Variants in FAM135B observed in about 807,000 individuals in gnomAD.
FAM135B encodes the protein family with sequence similarity 135 member B.
In FAM135B, 43 loss-of-function variants were observed where a neutral mutation model predicts 127.7. The observed-to-expected ratio is 0.34, with a 90% confidence interval of 0.26 to 0.43. The LOEUF (loss-of-function observed/expected upper bound fraction) is 0.43, where lower values mean the gene tolerates loss of function less well. Among genes scored for constraint, FAM135B ranks in the 20% least tolerant of loss-of-function variants. FAM135B has a pLI of 1.00. For missense variants in FAM135B, 1,558 were observed against 1,725.6 expected, an observed-to-expected ratio of 0.90 and a Z score of 1.72; for synonymous variants, 670 against 665.1, an observed-to-expected ratio of 1.01 and a Z score of -0.11.
At chr8:138,381,740 T>C (rs1033055089) in intron 1 of FAM135B, among the ~76,000 whole-genome samples, 5 of 152,222 alleles carry the variant, frequency 3.3e-5, no homozygotes, top group Non-Finnish European at 7.3e-5. Flanking sequence ...TTAAGACTGA[T>C]AGAATTATAC....
At chr8:138,210,855 C>T (rs1206918603) in intron 7 of FAM135B, among the ~76,000 whole-genome samples, 1 of 152,098 alleles carries the variant, frequency 6.6e-6, no homozygotes, top group Non-Finnish European at 1.5e-5. Flanking sequence ...TGTTCTGATA[C>T]CAAGCATACA....
chr8:138,494,580 T>A (rs1472308675), intron 1 of FAM135B, among the ~76,000 whole-genome samples: 3 of 152,162 alleles, frequency 2.0e-5, no homozygotes, highest in African/African-American at 7.2e-5. Context: ...GACACCACCA[T>A]GAGCAAAATC....
intron 1 of FAM135B, among the ~76,000 whole-genome samples, chr8:138,453,707 A>G (rs1055711323): frequency 4.6e-5 from 7 of 152,148 alleles, no homozygotes; most frequent in Non-Finnish European, 7.4e-5. Context: ...TAGAAATGGT[A>G]GAAGATGATT....
chr8:138,424,812 G>A (rs1834749038), intron 1 of FAM135B, among the ~76,000 whole-genome samples: 1 of 152,166 alleles, frequency 6.6e-6, no homozygotes, highest in South Asian at 2.1e-4. Context: ...ATGAGGAGTA[G>A]GGAAAACTTT....
Position 138,265,693 on chromosome 8 carries a change from C to A in FAM135B, c.297+10G>T, listed in dbSNP as rs756709228. 1.2e-6 allele frequency: 2 copies of A among 1,613,904 alleles called. No homozygotes were observed. The highest frequency in any genetic ancestry group is 1.7e-6 in the Non-Finnish European group (2 of 1,179,876). ...AGCTACTTGTGGCTGGTGGTAGATTCATGACTTACCCTTTCACCACCCAAG... is the reference window on the plus strand; with the variant it reads ...AGCTACTTGTGGCTGGTGGTAGATTAATGACTTACCCTTTCACCACCCAAG... On this transcript the variant is annotated intron_variant, in intron 4 of 19. Coordinates refer to ENST00000395297, the MANE Select transcript of FAM135B (RefSeq NM_015912.4).
chr8:138,302,737 T>G (rs1825979787), intron 3 of FAM135B, among the ~76,000 whole-genome samples: 1 of 152,224 alleles, frequency 6.6e-6, no homozygotes, highest in Non-Finnish European at 1.5e-5. Flanking sequence ...TCGCTCACGT[T>G]GTAATTGCCA....
chr8:138,235,456 G>T (rs1342055749), intron 7 of FAM135B, among the ~76,000 whole-genome samples: 1 of 152,194 alleles, frequency 6.6e-6, no homozygotes, highest in African/African-American at 2.4e-5. Context: ...TGATAATTAT[G>T]CATGTCTGTG....
chr8:138,482,417 G>A (rs1814818500), intron 1 of FAM135B, among the ~76,000 whole-genome samples: 1 of 152,156 alleles, frequency 6.6e-6, no homozygotes, highest in Non-Finnish European at 1.5e-5. Context: ...GCCCTATGTA[G>A]TCACAGAGGA....
chr8:138,145,920 T>A, intron 15 of FAM135B, 39 bp downstream of exon 15: 1 of 1,083,992 alleles, frequency 9.2e-7, no homozygotes, highest in Middle Eastern at 2.0e-4. Flanking sequence ...TAAGCATGCA[T>A]CCAGGGTTCT....
At chr8:138,246,128 A>G (rs1821262495) in intron 6 of FAM135B, among the ~76,000 whole-genome samples, 1 of 152,198 alleles carries the variant, frequency 6.6e-6, no homozygotes, top group Admixed American at 6.6e-5. Flanking sequence ...AAGAGGGAGC[A>G]GAGCACAAAA....
At chr8:138,419,058 C>G (rs1469086164) in intron 1 of FAM135B, among the ~76,000 whole-genome samples, 1 of 152,034 alleles carries the variant, frequency 6.6e-6, no homozygotes, top group Non-Finnish European at 1.5e-5. Flanking sequence ...CACAGAGTGG[C>G]AAGATGGATA....
intron 2 of FAM135B, among the ~76,000 whole-genome samples, chr8:138,352,622 G>A (rs1469090165): frequency 1.3e-5 from 2 of 152,248 alleles, no homozygotes; most frequent in South Asian, 4.1e-4. Context: ...AGGGTGGAGG[G>A]AGACAGAAAG....
intron 9 of FAM135B, among the ~76,000 whole-genome samples, chr8:138,180,251 C>T (rs1192857962): frequency 2.0e-5 from 3 of 152,136 alleles, no homozygotes; most frequent in African/African-American, 7.2e-5. Context: ...TAATCCCAGG[C>T]ACATGTTTAG....
chr8:138,230,875 G>A (rs1414006686), intron 7 of FAM135B, among the ~76,000 whole-genome samples: 2 of 152,110 alleles, frequency 1.3e-5, no homozygotes, highest in African/African-American at 2.4e-5. Flanking sequence ...TGATTAGGCT[G>A]TCAATCTATC....
At chr8:138,256,861 CA>C in intron 4 of FAM135B, 102 bp from the exon 5 acceptor site, 1 of 855,278 alleles carries the variant, frequency 1.2e-6, no homozygotes, top group Non-Finnish European at 1.9e-6. Flanking sequence ...CTATCTTGTC[CA>C]AAAATCAATG....
intron 1 of FAM135B, among the ~76,000 whole-genome samples, chr8:138,433,431 G>A (rs1835300441): frequency 2.6e-5 from 4 of 151,524 alleles, no homozygotes. Flanking sequence ...CTTGAGGCAA[G>A]AGGATCAATT....
chr8:138,414,044 C>T (rs1052330035), intron 1 of FAM135B, among the ~76,000 whole-genome samples: 4 of 150,902 alleles, frequency 2.7e-5, no homozygotes, highest in South Asian at 2.1e-4. Context: ...AGATCAATGA[C>T]TTTTGAGACC....
chr8:138,230,399 C>T (rs1210354345), intron 7 of FAM135B, among the ~76,000 whole-genome samples: 1 of 152,088 alleles, frequency 6.6e-6, no homozygotes, highest in South Asian at 2.1e-4. Flanking sequence ...AATTCACTAC[C>T]CTTCAGAATG....
chr8:138,170,984 G>T (rs138008601), intron 11 of FAM135B, among the ~76,000 whole-genome samples: 4 of 152,248 alleles, frequency 2.6e-5, no homozygotes, highest in African/African-American at 9.6e-5. Flanking sequence ...TGGACTCTGG[G>T]ACTCTCAACA....
Sources: allele counts gnomAD v4.1 joint callset (sites outside exome capture counted in the v4.1 genomes callset), GRCh38; gene constraint gnomAD v4.1.1; transcripts MANE v1.5; gene names NCBI Gene and HGNC (gene_info 2026-07-23, HGNC 2026-07-21).